TOM1L2: variants seen among roughly 807,000 people sequenced by gnomAD.
TOM1L2 encodes TOM1-like protein 2.
A neutral mutation model predicts 67.9 loss-of-function variants in TOM1L2; 31 were observed. The ratio of observed to expected loss-of-function variants is 0.46; its 90% CI spans 0.34 to 0.62. The LOEUF (loss-of-function observed/expected upper bound fraction) is 0.62. Ranked by LOEUF, TOM1L2 falls within the 20% of genes least tolerant of loss-of-function variation. TOM1L2 has a pLI of 0.01. For missense variants in TOM1L2, 606 were observed against 663.5 expected, an observed-to-expected ratio of 0.91 and a Z score of 0.95; for synonymous variants, 256 against 254.0, an observed-to-expected ratio of 1.01 and a Z score of -0.07.
chr17:17,866,897 G>A lies in TOM1L2; in HGVS notation c.939C>T (p.Ser313=), dbSNP rs1223307613. The change falls in exon 9 of 15, where the codon TCC becomes TCT. Residue 313 remains serine (S), a synonymous_variant. Coordinates refer to ENST00000379504, the MANE Select transcript of TOM1L2 (RefSeq NM_001082968.2). ...ERFERYRSGR[S]VQNASNGVLN... ...TTACTCCATTACTGGCATTTTGAAC[G>A]GATCGGCCAGACCTGTATCGTTCGA... 3.7e-6 allele frequency: 6 copies of A among 1,613,930 alleles called. No individual in the cohort carries two copies. The highest frequency in any genetic ancestry group is 1.7e-5 in the Admixed American group (1 of 59,998).
At chr17:17,949,503 C>T (rs2144878098) in intron 1 of TOM1L2, among the ~76,000 whole-genome samples, 1 of 152,338 alleles carries the variant, frequency 6.6e-6, no homozygotes, top group Non-Finnish European at 1.5e-5. Context: ...CTGACCTGTG[C>T]CAGGGTGGGT....
intron 12 of TOM1L2, chr17:17,859,932 G>A (rs2036461993): frequency 6.6e-6 from 1 of 152,286 alleles, no homozygotes; most frequent in South Asian, 2.1e-4. Context: ...GAGTCATCAG[G>A]ACCTTTGAAA....
intron 6 of TOM1L2, 45 bp downstream of exon 6, chr17:17,882,660 A>C: frequency 6.2e-7 from 1 of 1,601,336 alleles, no homozygotes; most frequent in South Asian, 1.1e-5. Context: ...AAGATGAAAA[A>C]GGATAGTCAG....
intron 1 of TOM1L2, among the ~76,000 whole-genome samples, chr17:17,951,426 A>C (rs1457345073): frequency 1.3e-5 from 2 of 152,206 alleles, no homozygotes; most frequent in Non-Finnish European, 2.9e-5. Flanking sequence ...TTGGGTAGAC[A>C]CTGTAGATTC....
Position 17,843,831 on chromosome 17 carries a change from T to C in TOM1L2, c.*3804A>G, listed in dbSNP as rs751136885. ...CCCTCTCCGGGAGAGCCTGGAGGTA[T>C]GGACAGACAGAAGCAGTTCTGACTC... is the stretch of plus-strand genomic sequence containing the variant. On this transcript the variant is annotated 3_prime_UTR_variant, in exon 15 of 15. Transcript: ENST00000379504. 4 of 152,404 alleles carry C rather than the reference T, an allele frequency of 2.6e-5. No homozygotes were observed. Among genetic ancestry groups the C allele is most frequent in the African/African-American group, 9.7e-5 (4 of 41,450 alleles). 9.4% of individuals were successfully genotyped at this position (152,404 alleles called of 1,614,324 possible). A position where few individuals can be genotyped will look rare whatever the true frequency, so the allele number is the denominator to read the frequency against.
intron 1 of TOM1L2, among the ~76,000 whole-genome samples, chr17:17,942,378 A>C (rs2040769686): frequency 6.6e-6 from 1 of 152,214 alleles, no homozygotes; most frequent in Non-Finnish European, 1.5e-5. Context: ...CCAAGATCTC[A>C]GGCAAGTTCA....
At chr17:17,913,230 TGGGGAGACG>T (rs2039480769) in intron 1 of TOM1L2, among the ~76,000 whole-genome samples, 1 of 143,760 alleles carries the variant, frequency 7.0e-6, no homozygotes, top group East Asian at 2.1e-4. Flanking sequence ...AGGGAGACCG[TGGGGAGACG>T]GGGGAGACCG....
rs745401 is a variant in TOM1L2, at chr17:17,901,673, G to A, written c.138-2999C>T. Among the ~76,000 whole-genome samples, 24 of 152,298 alleles carry A rather than the reference G, an allele frequency of 1.6e-4. No homozygotes were observed. The East Asian group carries it at 3.5e-3, about 22-fold the overall frequency. ...CTCCCCATTATTATCTTGCTCTATT[G>A]CATGTCTTCAGTTCCTCCTCTGTGC... On this transcript the variant is annotated intron_variant, in intron 2 of 14. Coordinates refer to ENST00000379504, the MANE Select transcript of TOM1L2 (RefSeq NM_001082968.2).
intron 11 of TOM1L2, chr17:17,862,529 G>C: frequency 1.7e-6 from 1 of 586,284 alleles, no homozygotes; most frequent in Non-Finnish European, 3.1e-6. Context: ...GAGTGTGTGT[G>C]TGTTTGGGGG....
At chr17:17,873,417 C>A (rs1461901096) in intron 7 of TOM1L2, among the ~76,000 whole-genome samples, 1 of 152,108 alleles carries the variant, frequency 6.6e-6, no homozygotes, top group Non-Finnish European at 1.5e-5. Flanking sequence ...TCCAGTCTGT[C>A]ATCAGAGCCC....
Position 17,861,488 on chromosome 17 carries a change from C to CT in TOM1L2, c.1265dup (p.Ser423GlufsTer17). The CT allele has an allele frequency of 6.2e-7, 1 of 1,614,076 alleles. No individual in the cohort carries two copies. Among genetic ancestry groups the CT allele is most frequent in the East Asian group, 2.2e-5 (1 of 44,892 alleles). On this transcript the variant is annotated frameshift_variant, in exon 12 of 15. Transcript: ENST00000379504. LOFTEE classifies it high-confidence loss of function. ...GTTAAAGACCTACCCCTTCTGAACT[C>CT]TGTTTTCGATTGTCTAGTGCAGAAG... is the stretch of plus-strand genomic sequence containing the variant.
intron 1 of TOM1L2, among the ~76,000 whole-genome samples, chr17:17,965,514 G>T (rs2041843265): frequency 6.6e-6 from 1 of 152,158 alleles, no homozygotes; most frequent in African/African-American, 2.4e-5. Flanking sequence ...CCTCCTCAGA[G>T]TTTTCCTGAG....
In TOM1L2 at chr17:17,862,424, G is replaced by A. The variant is rs569265074; in HGVS notation, c.1202+307C>T. ...TGTGGATGAGGGGCCAGGCAGGGTG[G>A]TGTCTGCAGCAGCAGCAGCATGGGG... On this transcript the variant is annotated intron_variant, in intron 11 of 14. Coordinates refer to ENST00000379504, the MANE Select transcript of TOM1L2 (RefSeq NM_001082968.2). 1.3e-3 allele frequency: 334 copies of A among 248,588 alleles called. 1 individual carries two copies. The highest frequency in any genetic ancestry group is 7.3e-3 in the African/African-American group (321 of 44,084). 15.4% of individuals were successfully genotyped at this position (248,588 alleles called of 1,614,324 possible).
intron 1 of TOM1L2, among the ~76,000 whole-genome samples, chr17:17,967,242 T>C (rs1193244380): frequency 1.3e-5 from 2 of 152,232 alleles, no homozygotes; most frequent in Non-Finnish European, 2.9e-5. Context: ...ACAGAATATC[T>C]GCTTCTTGCC....
intron 1 of TOM1L2, among the ~76,000 whole-genome samples, chr17:17,955,344 T>G (rs983955135): frequency 7.6e-5 from 11 of 145,358 alleles, no homozygotes; most frequent in South Asian, 4.6e-4. Flanking sequence ...TTTTTTTTTT[T>G]TTTTTTGTTT....
At chr17:17,849,297 C>T (rs2035827723) in intron 13 of TOM1L2, among the ~76,000 whole-genome samples, 1 of 152,192 alleles carries the variant, frequency 6.6e-6, no homozygotes, top group Admixed American at 6.5e-5. Flanking sequence ...CTGCCAGCCA[C>T]AGGGTTTCTG....
At chr17:17,915,276 G>C (rs1292363842) in intron 1 of TOM1L2, among the ~76,000 whole-genome samples, 1 of 152,184 alleles carries the variant, frequency 6.6e-6, no homozygotes, top group African/African-American at 2.4e-5. Flanking sequence ...GGCTTTGCTA[G>C]CAGGTGAGAC....
At chr17:17,930,628 T>C (rs1001544936) in intron 1 of TOM1L2, among the ~76,000 whole-genome samples, 1 of 152,214 alleles carries the variant, frequency 6.6e-6, no homozygotes, top group Non-Finnish European at 1.5e-5. Flanking sequence ...TTTATTAACT[T>C]TCCTTGTGAT....
chr17:17,871,089 G>C (rs1160264660), intron 7 of TOM1L2, among the ~76,000 whole-genome samples: 1 of 152,232 alleles, frequency 6.6e-6, no homozygotes, highest in Non-Finnish European at 1.5e-5. Flanking sequence ...CAGAGGCCGG[G>C]GCCAGGTGTG....
Sources: gnomAD v4.1 joint callset for allele counts (sites outside exome capture counted in the v4.1 genomes callset) on GRCh38, gnomAD v4.1.1 for gene constraint, MANE v1.5 for transcripts, NCBI Gene and HGNC (gene_info 2026-07-23, HGNC 2026-07-21) for gene names.